DSCAM: variants seen among roughly 807,000 people sequenced by gnomAD.
DSCAM encodes the protein cell adhesion molecule DSCAM.
In DSCAM, 47 loss-of-function variants were observed where a neutral mutation model predicts 217.7. The ratio of observed to expected loss-of-function variants is 0.22; its 90% confidence interval spans 0.17 to 0.28. The LOEUF (loss-of-function observed/expected upper bound fraction) is 0.28. DSCAM is among the 10% of genes least tolerant of loss of function. The pLI is 1.00. For synonymous variants in DSCAM, 1,056 were observed against 1,015.3 expected, an observed-to-expected ratio of 1.04 and a Z score of -0.76; for missense variants, 2,080 against 2,618.3, an observed-to-expected ratio of 0.79 and a Z score of 4.49.
chr21:40,488,573 A>C (rs1460641058), intron 3 of DSCAM, among the ~76,000 whole-genome samples: 1 of 152,152 alleles, frequency 6.6e-6, no homozygotes, highest in Non-Finnish European at 1.5e-5. Flanking sequence ...GAAGAGGAGA[A>C]AGGCATCCAC....
At chr21:40,578,148 G>T (rs1278514706) in intron 3 of DSCAM, among the ~76,000 whole-genome samples, 2 of 152,188 alleles carry the variant, frequency 1.3e-5, no homozygotes, top group Non-Finnish European at 2.9e-5. Context: ...GAGAAAAATA[G>T]AGTGCAGGCT....
chr21:40,375,157 T>C (rs1207375561), intron 3 of DSCAM, among the ~76,000 whole-genome samples: 1 of 152,228 alleles, frequency 6.6e-6, no homozygotes, highest in African/African-American at 2.4e-5. Context: ...CCTCTGCTTC[T>C]ACCTCCAAAA....
At chr21:40,541,415 AG>A (rs201197685) in intron 3 of DSCAM, among the ~76,000 whole-genome samples, 2,178 of 152,336 alleles carry the variant, frequency 0.014, 65 homozygotes, top group African/African-American at 0.049. Context: ...GAGAATAAAC[AG>A]CAAAGCTTAA....
chr21:40,372,982 A>G (rs909835482), intron 3 of DSCAM, among the ~76,000 whole-genome samples: 2 of 151,338 alleles, frequency 1.3e-5, no homozygotes, highest in African/African-American at 2.4e-5. Context: ...TACCAAAGAA[A>G]ATGGGGCATT....
intron 3 of DSCAM, among the ~76,000 whole-genome samples, chr21:40,513,995 A>G (rs1281852315): frequency 6.6e-6 from 1 of 152,180 alleles, no homozygotes; most frequent in East Asian, 1.9e-4. Context: ...CTGCTACATA[A>G]GCAATGCAGT....
intron 1 of DSCAM, among the ~76,000 whole-genome samples, chr21:40,759,626 C>T (rs1033435376): frequency 1.3e-5 from 2 of 152,114 alleles, no homozygotes; most frequent in South Asian, 2.1e-4. Flanking sequence ...TTCTGTGCTG[C>T]CCTCAGTTGG....
intron 8 of DSCAM, among the ~76,000 whole-genome samples, chr21:40,326,457 A>G (rs2074318227): frequency 6.6e-6 from 1 of 152,242 alleles, no homozygotes; most frequent in Non-Finnish European, 1.5e-5. Flanking sequence ...ACTTCGTTGC[A>G]TACAAAGTAT....
chr21:40,043,937 G>T, intron 31 of DSCAM, 141 bp downstream of exon 31: 2 of 849,494 alleles, frequency 2.4e-6, no homozygotes, highest in Non-Finnish European at 3.6e-6. Flanking sequence ...GATAAACCGC[G>T]TAACAATTTG....
At chr21:40,646,260 C>A (rs2089945022) in intron 3 of DSCAM, among the ~76,000 whole-genome samples, 1 of 151,922 alleles carries the variant, frequency 6.6e-6, no homozygotes, top group African/African-American at 2.4e-5. Context: ...ACTAAAAATA[C>A]AAAAATTAGC....
intron 8 of DSCAM, among the ~76,000 whole-genome samples, chr21:40,314,234 T>A (rs966298335): frequency 1.3e-5 from 2 of 152,190 alleles, no homozygotes; most frequent in African/African-American, 4.8e-5. Flanking sequence ...TCAAAAGCAG[T>A]TGGGAGCTAG....
At chr21:40,029,240 C>A (rs1358862413) in intron 32 of DSCAM, among the ~76,000 whole-genome samples, 1 of 152,034 alleles carries the variant, frequency 6.6e-6, no homozygotes, top group African/African-American at 2.4e-5. Flanking sequence ...CCTGTGCCGT[C>A]AAGAGAAGCC....
At chr21:40,832,142 T>C (rs1185163250) in intron 1 of DSCAM, among the ~76,000 whole-genome samples, 1 of 152,216 alleles carries the variant, frequency 6.6e-6, no homozygotes, top group Non-Finnish European at 1.5e-5. Context: ...AACAGAGGCG[T>C]AGTCCTCAGT....
chr21:40,149,783 C>T lies in DSCAM; in HGVS notation c.3019-5052G>A, dbSNP rs2090403812. Among the ~76,000 whole-genome samples the T allele has an allele frequency of 2.0e-5, 3 of 149,950 alleles. No homozygotes were observed. In the South Asian group the frequency reaches 6.4e-4, roughly 32 times the overall value. On this transcript the variant is annotated intron_variant, in intron 16 of 32. Coordinates refer to ENST00000400454, the MANE Select transcript of DSCAM (RefSeq NM_001389.5). ...TCCATCACTATCCCAACACCAACACCACTGTCACCACCACCATCCATCACT... is the reference window on the plus strand; with the variant it reads ...TCCATCACTATCCCAACACCAACACTACTGTCACCACCACCATCCATCACT...
chr21:40,150,082 T>C (rs1046517518), intron 16 of DSCAM, among the ~76,000 whole-genome samples: 2 of 152,258 alleles, frequency 1.3e-5, no homozygotes, highest in Non-Finnish European at 1.5e-5. Context: ...TTATGTATAT[T>C]ATTTCATTTT....
At chr21:40,191,004 C>G (rs1165209244) in intron 11 of DSCAM, among the ~76,000 whole-genome samples, 1 of 152,160 alleles carries the variant, frequency 6.6e-6, no homozygotes, top group Non-Finnish European at 1.5e-5. Context: ...TGCTTTTTAT[C>G]TCATTTCCCC....
At chr21:40,709,653 T>C (rs1019170538) in intron 1 of DSCAM, among the ~76,000 whole-genome samples, 1 of 152,256 alleles carries the variant, frequency 6.6e-6, no homozygotes, top group Admixed American at 6.5e-5. Flanking sequence ...TCTACATCCC[T>C]GCAAAGGATA....
chr21:40,596,383 C>T (rs371989514), intron 3 of DSCAM, among the ~76,000 whole-genome samples: 47 of 152,194 alleles, frequency 3.1e-4, no homozygotes, highest in African/African-American at 4.3e-4. Flanking sequence ...TATTCATTGA[C>T]GGGTGGGAGT....
At chr21:40,405,788 G>A (rs766125659) in intron 3 of DSCAM, among the ~76,000 whole-genome samples, 1 of 152,262 alleles carries the variant, frequency 6.6e-6, no homozygotes, top group Middle Eastern at 3.4e-3. Flanking sequence ...CTTGAGGTCA[G>A]GAGTTCAAGA....
At chr21:40,081,026 C>T (rs993555973) in intron 24 of DSCAM, among the ~76,000 whole-genome samples, 1 of 152,224 alleles carries the variant, frequency 6.6e-6, no homozygotes, top group Admixed American at 6.5e-5. Context: ...TTCTGCAACC[C>T]TATGGAACAG....
Sources: gnomAD v4.1 joint callset for allele counts (sites outside exome capture counted in the v4.1 genomes callset) on GRCh38, gnomAD v4.1.1 for gene constraint, MANE v1.5 for transcripts, NCBI Gene and HGNC (gene_info 2026-07-23, HGNC 2026-07-21) for gene names.